The following RNF212B variants were observed in gnomAD, a reference collection of about 807,000 sequenced individuals.
The protein encoded by RNF212B is ring finger protein 212B.
A neutral mutation model predicts 55.5 loss-of-function variants in RNF212B; 52 were observed. That is an observed-to-expected ratio of 0.94 (90% confidence interval 0.75 to 1.18). The LOEUF (loss-of-function observed/expected upper bound fraction) is 1.18, where lower values mean the gene tolerates loss of function less well. Among genes scored for constraint, RNF212B ranks in the 50% most tolerant of loss-of-function variants. The pLI, the probability that RNF212B is intolerant of heterozygous loss-of-function variation, is 0.00. For missense variants in RNF212B, 289 were observed against 350.4 expected (o/e 0.82, Z 1.40); for synonymous variants, 99 against 121.4 (o/e 0.82, Z 1.21).
At chr14:23,196,255 T>C (rs1878670018) in intron 2 of RNF212B, among the ~76,000 whole-genome samples, 1 of 152,142 alleles carries the variant, frequency 6.6e-6, no homozygotes, top group Non-Finnish European at 1.5e-5. Context: ...GAGTGCCCAC[T>C]GTCTCTCTGT....
At chr14:23,269,116 C>T (rs1045782000) in intron 12 of RNF212B, among the ~76,000 whole-genome samples, 153 bp downstream of exon 12, 2 of 151,952 alleles carry the variant, frequency 1.3e-5, no homozygotes, top group African/African-American at 4.8e-5. Flanking sequence ...ACCAGTATGG[C>T]CAACATGGCG....
At chr14:23,227,223 A>ATTTT (rs142475427) in intron 2 of RNF212B, among the ~76,000 whole-genome samples, 4 of 150,296 alleles carry the variant, frequency 2.7e-5, no homozygotes, top group African/African-American at 7.3e-5. Flanking sequence ...TATTATTATA[A>ATTTT]TTTTTTTTTT....
intron 4 of RNF212B, among the ~76,000 whole-genome samples, chr14:23,254,055 A>G (rs1402682528): frequency 6.6e-6 from 1 of 152,084 alleles, no homozygotes; most frequent in African/African-American, 2.4e-5. Context: ...GAAGTGGGAG[A>G]ACGGCTAGAT....
At chr14:23,269,218 T>C (rs1405468600) in intron 12 of RNF212B, among the ~76,000 whole-genome samples, 1 of 152,030 alleles carries the variant, frequency 6.6e-6, no homozygotes, top group African/African-American at 2.4e-5. Context: ...GCAGGAGAAT[T>C]GCTGAATCCA....
At chr14:23,268,571 T>C (rs910993686) in intron 11 of RNF212B, among the ~76,000 whole-genome samples, 1 of 148,568 alleles carries the variant, frequency 6.7e-6, no homozygotes, top group Non-Finnish European at 1.5e-5. Flanking sequence ...TCTGCCATTT[T>C]TGTTGATGTC....
In RNF212B at chr14:23,259,902, G is replaced by A. The variant is rs756949787; in HGVS notation, c.363G>A (p.Arg121=). 7 of 1,520,272 alleles carry A rather than the reference G, an allele frequency of 4.6e-6. No individual in the cohort carries two copies. The highest frequency in any genetic ancestry group is 1.8e-6 in the Non-Finnish European group (2 of 1,131,278). 94.2% of individuals were successfully genotyped at this position (1,520,272 alleles called of 1,614,324 possible). A position where few individuals can be genotyped will look rare whatever the true frequency, so the allele number is the denominator to read the frequency against. Residue 121 remains arginine, a synonymous_variant, in exon 6 of 15, where the codon AGG becomes AGA. Coordinates refer to ENST00000430154, the MANE Select transcript of RNF212B (RefSeq NM_001282322.3). The part of the protein sequence containing the change: ...VSQDKELSVL[R]KENGELKKFL... ...TGCCTAGAGAATTGTCAGTCTTAAG[G>A]AAGGAGAATGGAGAACTGAAGAAAT... is the stretch of plus-strand genomic sequence containing the variant.
intron 1 of RNF212B, among the ~76,000 whole-genome samples, chr14:23,192,236 T>C (rs1036514961): frequency 5.9e-5 from 9 of 152,138 alleles, no homozygotes; most frequent in Non-Finnish European, 1.3e-4. Flanking sequence ...CACATGCACA[T>C]GTATGTTTAT....
chr14:23,216,198 A>C (rs963566713), intron 2 of RNF212B, among the ~76,000 whole-genome samples: 1 of 152,200 alleles, frequency 6.6e-6, no homozygotes, highest in African/African-American at 2.4e-5. Flanking sequence ...GTGAGTCAAG[A>C]TCGTGCCACT....
At chr14:23,259,163 C>T (rs11622474) in intron 5 of RNF212B, among the ~76,000 whole-genome samples, 22,365 of 151,480 alleles carry the variant, frequency 0.15, 1,817 homozygotes, top group Non-Finnish European at 0.18. Context: ...GACACTCCAG[C>T]GTGGGTGAAA....
chr14:23,199,483 T>C (rs950976065), intron 2 of RNF212B, among the ~76,000 whole-genome samples: 1 of 152,198 alleles, frequency 6.6e-6, no homozygotes, highest in African/African-American at 2.4e-5. Flanking sequence ...TCCCTTTAGC[T>C]TAGTGATTTG....
intron 1 of RNF212B, among the ~76,000 whole-genome samples, chr14:23,238,780 A>ATCATCATCATC (rs1555316079): frequency 0.013 from 1,857 of 145,676 alleles, 28 homozygotes; most frequent in East Asian, 0.022. Context: ...TAATAATAAT[A>ATCATCATCATC]ATCCCACAAA....
At chr14:23,218,990 G>T (rs1006132814) in intron 2 of RNF212B, among the ~76,000 whole-genome samples, 1 of 152,204 alleles carries the variant, frequency 6.6e-6, no homozygotes, top group Non-Finnish European at 1.5e-5. Context: ...CAATATGTCT[G>T]GCAGCAGACT....
chr14:23,192,197 A>G (rs1287665469), intron 1 of RNF212B, among the ~76,000 whole-genome samples: 1 of 152,080 alleles, frequency 6.6e-6, no homozygotes, highest in Non-Finnish European at 1.5e-5. Flanking sequence ...TATATACCCA[A>G]AGGATTATAA....
chr14:23,191,630 A>G (rs1202689442), intron 1 of RNF212B, among the ~76,000 whole-genome samples: 1 of 152,206 alleles, frequency 6.6e-6, no homozygotes, highest in African/African-American at 2.4e-5. Flanking sequence ...TTCAAATAAC[A>G]TAGGAGGAAG....
upstream of RNF212B, among the ~76,000 whole-genome samples, chr14:23,236,831 C>T (rs878957014): frequency 5.3e-5 from 8 of 151,098 alleles, no homozygotes; most frequent in Admixed American, 5.3e-4. Flanking sequence ...GGCCTTTATA[C>T]CTGAACACAA....
intron 1 of RNF212B, among the ~76,000 whole-genome samples, chr14:23,186,730 C>T (rs972636463): frequency 1.3e-5 from 2 of 152,112 alleles, no homozygotes; most frequent in African/African-American, 4.8e-5. Flanking sequence ...TTTTCCTCCT[C>T]ATGTAGTATC....
At position 23,224,068 on chromosome 14, in the gene RNF212B, A is replaced by G. The variant is rs183406994; in HGVS notation, c.-1-16277A>G. Among the ~76,000 whole-genome samples, 37 of 152,318 alleles carry G rather than the reference A, an allele frequency of 2.4e-4. No homozygotes were observed. In the East Asian group the frequency reaches 5.4e-3, roughly 22 times the overall value. ...CTATGAAGAAAACTATAAAACATTG[A>G]TGAAAGAAATTGAGGAGAACACACA... On this transcript the variant is annotated intron_variant, in intron 2 of 15. Coordinates refer to the RNF212B transcript ENST00000399910.
chr14:23,237,156 GTC>G (rs1030220113), upstream of RNF212B, among the ~76,000 whole-genome samples: 33 of 150,404 alleles, frequency 2.2e-4, no homozygotes, highest in Non-Finnish European at 1.5e-5. Flanking sequence ...TAAAGACGGA[GTC>G]TCTCTCTGTC....
chr14:23,210,177 C>A (rs1306598197), intron 2 of RNF212B, among the ~76,000 whole-genome samples: 1 of 152,056 alleles, frequency 6.6e-6, no homozygotes, highest in Non-Finnish European at 1.5e-5. Context: ...TAAACAAATA[C>A]CCCTATGACT....
Sources: allele counts gnomAD v4.1 joint callset (sites outside exome capture counted in the v4.1 genomes callset), GRCh38; gene constraint gnomAD v4.1.1; transcripts MANE v1.5; gene names NCBI Gene and HGNC (gene_info 2026-07-23, HGNC 2026-07-21).